The following ERC2 variants were observed in gnomAD, a reference collection of about 807,000 sequenced individuals.
The protein encoded by ERC2 is ELKS/RAB6-interacting/CAST family member 2, also known as ERC protein 2.
Under a neutral mutation model 114.8 loss-of-function variants are expected in ERC2, and 42 were observed. The observed-to-expected ratio is 0.37, with a 90% CI of 0.29 to 0.47. The LOEUF (loss-of-function observed/expected upper bound fraction) is 0.47. Ranked by LOEUF, ERC2 falls within the 20% of genes least tolerant of loss-of-function variation. The probability of loss-of-function intolerance (pLI) is 0.99; values close to 1 mark genes in which losing one functional copy is unlikely to be tolerated. For missense variants in ERC2, 939 were observed against 1,150.7 expected (o/e 0.82, Z 2.66); for synonymous variants, 454 against 425.5 (o/e 1.07, Z -0.82).
intron 2 of ERC2, among the ~76,000 whole-genome samples, chr3:56,363,377 G>A (rs2059030276): frequency 6.6e-6 from 1 of 152,108 alleles, no homozygotes; most frequent in Non-Finnish European, 1.5e-5. Flanking sequence ...TGCCAACTCT[G>A]GCACTAGACA....
In ERC2 at chr3:55,888,431, C is replaced by A. The variant is rs772063893; in HGVS notation, c.2522G>T (p.Arg841Leu). ...AEKEAHLANL[R>L]IERRKQLEEI... The stretch of plus-strand genomic sequence containing the variant: ...CTCCAGCTGTTTCCTCCTCTCAATC[C>A]GGAGGTTGGCCAAGTGCGCTTCTTT... Residue 841 changes from arginine (R) to leucine (L), a missense_variant, in exon 14 of 18, where the codon CGG (arginine) becomes CTG (leucine). Coordinates refer to ENST00000288221, the MANE Select transcript of ERC2 (RefSeq NM_015576.3). The A allele has an allele frequency of 2.5e-6, 4 of 1,613,726 alleles. No homozygotes were observed. The highest frequency in any genetic ancestry group is 2.2e-5 in the South Asian group (2 of 91,062).
chr3:56,231,407 C>T (rs965863311), intron 3 of ERC2, among the ~76,000 whole-genome samples: 1 of 152,206 alleles, frequency 6.6e-6, no homozygotes, highest in Non-Finnish European at 1.5e-5. Context: ...GAATGCCCTT[C>T]CAATTCATCT....
chr3:56,258,520 G>C (rs767902804), intron 3 of ERC2, among the ~76,000 whole-genome samples: 18 of 152,178 alleles, frequency 1.2e-4, no homozygotes, highest in Non-Finnish European at 2.5e-4. Flanking sequence ...CGGGCGTGGT[G>C]GTGGGCCCCT....
intron 6 of ERC2, among the ~76,000 whole-genome samples, chr3:56,116,079 C>CT (rs1477565888): frequency 1.8e-4 from 27 of 152,194 alleles, no homozygotes; most frequent in Admixed American, 1.6e-3. Flanking sequence ...CTGACCGACC[C>CT]TAGTGCTTTC....
intron 6 of ERC2, among the ~76,000 whole-genome samples, chr3:56,137,079 G>A (rs1442499276): frequency 6.6e-6 from 1 of 152,290 alleles, no homozygotes; most frequent in African/African-American, 2.4e-5. Flanking sequence ...TTTGAGAGAG[G>A]TAAAATACAG....
intron 3 of ERC2, among the ~76,000 whole-genome samples, chr3:56,232,749 T>C (rs553801195): frequency 1.3e-5 from 2 of 152,354 alleles, no homozygotes; most frequent in South Asian, 4.1e-4. Flanking sequence ...CAATTTAAAA[T>C]GTTTCCATGG....
chr3:55,832,469 G>A (rs1449907831), intron 14 of ERC2, among the ~76,000 whole-genome samples: 19 of 152,222 alleles, frequency 1.2e-4, no homozygotes, highest in Admixed American at 1.2e-3. Flanking sequence ...CTGTTCTGCA[G>A]CCACTGCTGC....
At chr3:55,608,114 G>C (rs1416731863) in intron 17 of ERC2, among the ~76,000 whole-genome samples, 1 of 152,156 alleles carries the variant, frequency 6.6e-6, no homozygotes, top group Non-Finnish European at 1.5e-5. Context: ...CTTAAGACTG[G>C]GTAGTAAGCA....
chr3:55,550,824 G>A (rs1014468357), intron 17 of ERC2, among the ~76,000 whole-genome samples: 7 of 152,048 alleles, frequency 4.6e-5, no homozygotes, highest in African/African-American at 1.2e-4. Flanking sequence ...AGACCATCCT[G>A]GCTAACACGG....
chr3:55,966,515 T>TTG (rs2068759291), intron 12 of ERC2, among the ~76,000 whole-genome samples: 1 of 152,182 alleles, frequency 6.6e-6, no homozygotes, highest in South Asian at 2.1e-4. Flanking sequence ...AATGTTCATG[T>TTG]TGTATATACA....
rs369138111 is a variant in ERC2, at chr3:55,525,073, C to A, written c.*40-13797G>T. The stretch of plus-strand genomic sequence containing the variant: ...CTCATGGTTTATCCTCAGTCCTGAC[C>A]AAACCCTGGCACACTAACAATTTCT... On this transcript the variant is annotated intron_variant, in intron 17 of 17. Coordinates refer to ENST00000288221, the MANE Select transcript of ERC2 (RefSeq NM_015576.3). 2.2e-4 allele frequency among the ~76,000 whole-genome samples: 34 copies of A among 152,278 alleles called. No individual in the cohort carries two copies. The Middle Eastern group carries it at 0.01, about 46-fold the overall frequency.
chr3:56,083,314 G>C (rs888607190), intron 6 of ERC2, among the ~76,000 whole-genome samples: 1 of 152,152 alleles, frequency 6.6e-6, no homozygotes, highest in Non-Finnish European at 1.5e-5. Context: ...GCATGACTGT[G>C]TTTCCATTTC....
intron 14 of ERC2, among the ~76,000 whole-genome samples, chr3:55,792,445 A>G (rs755658310): frequency 1.4e-4 from 21 of 152,282 alleles, no homozygotes; most frequent in Non-Finnish European, 2.1e-4. Context: ...TTGTTGACAA[A>G]TGTTTATTTT....
chr3:56,158,379 G>C (rs1575620993), intron 4 of ERC2, among the ~76,000 whole-genome samples: 1 of 152,120 alleles, frequency 6.6e-6, no homozygotes, highest in African/African-American at 2.4e-5. Flanking sequence ...TGCAAACTAT[G>C]TGTGTATTCA....
intron 3 of ERC2, among the ~76,000 whole-genome samples, chr3:56,262,339 G>A (rs1048397762): frequency 4.6e-5 from 7 of 152,158 alleles, no homozygotes; most frequent in African/African-American, 1.7e-4. Context: ...AGTTGTGGGG[G>A]ACCACTGAAT....
chr3:56,349,997 T>G (rs2058489415), intron 2 of ERC2, among the ~76,000 whole-genome samples: 1 of 151,792 alleles, frequency 6.6e-6, no homozygotes, highest in Non-Finnish European at 1.5e-5. Flanking sequence ...TACACCCCTG[T>G]GACATGCAAT....
chr3:56,034,236 G>A (rs532648682), intron 7 of ERC2, among the ~76,000 whole-genome samples: 6 of 152,036 alleles, frequency 3.9e-5, no homozygotes, highest in East Asian at 1.9e-4. Flanking sequence ...GACAAAGAAG[G>A]TCATTGCATA....
At chr3:56,311,251 C>A (rs368502224) in intron 2 of ERC2, among the ~76,000 whole-genome samples, 10,231 of 35,560 alleles carry the variant, frequency 0.29, 614 homozygotes, top group Admixed American at 0.34. Flanking sequence ...CTCTCTCTCT[C>A]TCTCTATATA....
At chr3:56,343,557 G>A (rs899566999) in intron 2 of ERC2, among the ~76,000 whole-genome samples, 1 of 152,118 alleles carries the variant, frequency 6.6e-6, no homozygotes, top group African/African-American at 2.4e-5. Flanking sequence ...GTTTAAGGCT[G>A]CAGTGAGCTA....
Sources: allele counts gnomAD v4.1 joint callset (sites outside exome capture counted in the v4.1 genomes callset), GRCh38; gene constraint gnomAD v4.1.1; transcripts MANE v1.5; gene names NCBI Gene and HGNC (gene_info 2026-07-23, HGNC 2026-07-21).